The following SPAG17 variants were observed in gnomAD, a reference collection of about 807,000 sequenced individuals.
The protein encoded by SPAG17 is sperm associated antigen 17.
SPAG17 carries 169 observed loss-of-function variants against 273.6 expected under a neutral mutation model. The ratio of observed to expected loss-of-function variants is 0.62; its 90% CI spans 0.55 to 0.70. The LOEUF (loss-of-function observed/expected upper bound fraction) is 0.70. SPAG17 is among the 30% of genes least tolerant of loss of function. The probability of loss-of-function intolerance (pLI) is 0.00; values close to 1 mark genes in which losing one functional copy is unlikely to be tolerated. For missense variants in SPAG17, 2,557 were observed against 2,627.8 expected, an observed-to-expected ratio of 0.97 and a Z score of 0.59; for synonymous variants, 825 against 873.2, an observed-to-expected ratio of 0.94 and a Z score of 0.97.
At chr1:117,990,532 T>G (rs1459977545) in intron 38 of SPAG17, among the ~76,000 whole-genome samples, 1 of 152,222 alleles carries the variant, frequency 6.6e-6, no homozygotes, top group Non-Finnish European at 1.5e-5. Context: ...GAGGGCAGGC[T>G]GTTGGTTGGT....
At chr1:118,030,247 CTT>C (rs1648284558) in intron 25 of SPAG17, among the ~76,000 whole-genome samples, 2 of 152,064 alleles carry the variant, frequency 1.3e-5, no homozygotes, top group Admixed American at 1.3e-4. Flanking sequence ...AACCTTGTAA[CTT>C]TTACAAGGCC....
At chr1:117,957,954 A>T (rs1341660198) in intron 48 of SPAG17, among the ~76,000 whole-genome samples, 1 of 152,382 alleles carries the variant, frequency 6.6e-6, no homozygotes, top group East Asian at 1.9e-4. Context: ...AAATATGTTC[A>T]TTAGGCTATA....
At chr1:117,959,642 C>G in intron 48 of SPAG17, 11 of 484,860 alleles carry the variant, frequency 2.3e-5, no homozygotes, top group Non-Finnish European at 3.8e-5. Flanking sequence ...ATTTCTTGGA[C>G]TTAAAATGCA....
In SPAG17 at chr1:118,055,787, C is replaced by T. The variant is rs755993672; in HGVS notation, c.2668G>A (p.Ala890Thr). The change falls in exon 19 of 49, where the codon GCT becomes ACT. Residue 890 changes from alanine (A) to threonine (T), a missense_variant. Coordinates refer to ENST00000336338, the MANE Select transcript of SPAG17 (RefSeq NM_206996.4). ...TRAELELKSSANAKLTSASKI... is the reference protein window; with the variant it reads ...TRAELELKSSTNAKLTSASKI... ...CTAGCAGAAGTAAGTTTGGCATTAGCAGAAGATTTCAATTCCAGCTCAGCT... is the reference window on the plus strand; with the variant it reads ...CTAGCAGAAGTAAGTTTGGCATTAGTAGAAGATTTCAATTCCAGCTCAGCT... The T allele has an allele frequency of 1.6e-5, 25 of 1,612,878 alleles. No individual in the cohort carries two copies. The highest frequency in any genetic ancestry group is 2.0e-5 in the Non-Finnish European group (24 of 1,179,630).
At chr1:118,138,765 G>C (rs966975940) in intron 3 of SPAG17, among the ~76,000 whole-genome samples, 13 of 152,112 alleles carry the variant, frequency 8.5e-5, no homozygotes, top group Non-Finnish European at 1.9e-4. Context: ...ATGGTATTTT[G>C]TTATTAGTTC....
intron 3 of SPAG17, among the ~76,000 whole-genome samples, chr1:118,117,841 C>G (rs922389655): frequency 6.6e-6 from 1 of 152,240 alleles, no homozygotes; most frequent in African/African-American, 2.4e-5. Flanking sequence ...GCTTGACTCT[C>G]TAAATGCCAC....
intron 15 of SPAG17, chr1:118,076,294 G>A (rs1220090494): frequency 6.6e-6 from 1 of 152,076 alleles, no homozygotes; most frequent in African/African-American, 2.4e-5. Flanking sequence ...ATGAAGGACA[G>A]GCCAGTGTTT....
intron 18 of SPAG17, among the ~76,000 whole-genome samples, chr1:118,060,913 T>G (rs973764503): frequency 6.6e-6 from 1 of 152,208 alleles, no homozygotes. Flanking sequence ...CCTCCTCCAG[T>G]CTTTACTGGC....
intron 20 of SPAG17, 101 bp downstream of exon 20, chr1:118,053,901 C>A: frequency 1.3e-6 from 1 of 760,848 alleles, no homozygotes. Context: ...CATGCTTCTT[C>A]CCAATCACTA....
intron 10 of SPAG17, among the ~76,000 whole-genome samples, chr1:118,090,310 A>T (rs1655281689): frequency 6.6e-6 from 1 of 152,224 alleles, no homozygotes; most frequent in Non-Finnish European, 1.5e-5. Flanking sequence ...AGCCTCAGGA[A>T]ATTTGAATTT....
intron 1 of SPAG17, among the ~76,000 whole-genome samples, chr1:118,158,111 C>G (rs1414149063): frequency 6.6e-6 from 1 of 151,986 alleles, no homozygotes; most frequent in East Asian, 1.9e-4. Flanking sequence ...TATTTTGGGT[C>G]CTTGGAAGAG....
At chr1:118,102,212 C>T (rs1656115699) in intron 4 of SPAG17, among the ~76,000 whole-genome samples, 1 of 152,140 alleles carries the variant, frequency 6.6e-6, no homozygotes, top group African/African-American at 2.4e-5. Flanking sequence ...GCCTAAGAAG[C>T]CACCCCAGTG....
At position 117,987,872 on chromosome 1, in the gene SPAG17, T is replaced by A. The variant is rs762149146; in HGVS notation, c.5631A>T (p.Ala1877=). The change falls in exon 40 of 49, where the codon GCA becomes GCT. Residue 1877 remains alanine (A), a synonymous_variant. Coordinates refer to ENST00000336338, the MANE Select transcript of SPAG17 (RefSeq NM_206996.4). The part of the protein sequence containing the change: ...DFFEKTWRHT[A]SSKRWKEKID... ...TCTTTTCTTTCCAGCGTTTTGAGGATGCTGTGTGTCTATGTGAAAGGAAAG... is the reference window on the plus strand; with the variant it reads ...TCTTTTCTTTCCAGCGTTTTGAGGAAGCTGTGTGTCTATGTGAAAGGAAAG... The A allele has an allele frequency of 6.2e-7, 1 of 1,611,620 alleles. No homozygotes were observed.
intron 10 of SPAG17, among the ~76,000 whole-genome samples, chr1:118,088,488 T>G (rs916142812): frequency 5.3e-5 from 8 of 152,168 alleles, no homozygotes; most frequent in Admixed American, 5.2e-4. Context: ...AAAAACTTCA[T>G]GGAGCAATTA....
intron 5 of SPAG17, among the ~76,000 whole-genome samples, chr1:118,100,685 G>A (rs1231301635): frequency 6.6e-6 from 1 of 152,110 alleles, no homozygotes; most frequent in South Asian, 2.1e-4. Context: ...ATGCATGAGG[G>A]GAGTCAACTG....
chr1:118,009,521 C>G (rs1360779483), intron 30 of SPAG17, among the ~76,000 whole-genome samples: 1 of 152,118 alleles, frequency 6.6e-6, no homozygotes, highest in East Asian at 1.9e-4. Flanking sequence ...GCTACCGTTT[C>G]CTTTTTTCTG....
intron 1 of SPAG17, among the ~76,000 whole-genome samples, chr1:118,177,473 T>C (rs1209907061): frequency 6.6e-6 from 1 of 152,144 alleles, no homozygotes; most frequent in Non-Finnish European, 1.5e-5. Context: ...AGGTGAGATT[T>C]GGTTAGGGAC....
At position 118,115,587 on chromosome 1, in the gene SPAG17, A is replaced by G. The variant is rs568822468; in HGVS notation, c.316-146T>C. ...GCTGGCTGAAAAAAAAAAGTTAGGG[A>G]AAAAAATGCCTCAATGCTACAGAGA... On this transcript the variant is annotated intron_variant, in intron 3 of 48. Transcript: ENST00000336338. 297 of 745,724 alleles carry G rather than the reference A, an allele frequency of 4.0e-4. 1 individual carries two copies. Among genetic ancestry groups the G allele is most frequent in the South Asian group, 3.6e-3 (169 of 46,926 alleles). 46.2% of individuals were successfully genotyped at this position (745,724 alleles called of 1,614,324 possible).
In SPAG17 at chr1:118,132,025, C is replaced by T. The variant is rs371170529; in HGVS notation, c.316-16584G>A. Among the ~76,000 whole-genome samples, 114 of 152,302 alleles carry T rather than the reference C, an allele frequency of 7.5e-4. 1 individual carries two copies. Among genetic ancestry groups the T allele is most frequent in the African/African-American group, 2.2e-3 (91 of 41,568 alleles). ...CAGGCCCTGCCCATAGTGAGCTTTT[C>T]GTGGAGTTGGGGAGATCATCTACAA... is the stretch of plus-strand genomic sequence containing the variant. On this transcript the variant is annotated intron_variant, in intron 3 of 48. Transcript: ENST00000336338.
Sources: gnomAD v4.1 joint callset for allele counts (sites outside exome capture counted in the v4.1 genomes callset) on GRCh38, gnomAD v4.1.1 for gene constraint, MANE v1.5 for transcripts, NCBI Gene and HGNC (gene_info 2026-07-23, HGNC 2026-07-21) for gene names.